TUBGCP2: variants seen among roughly 807,000 people sequenced by gnomAD.
The protein encoded by TUBGCP2 is tubulin gamma complex component 2, also known as gamma-tubulin complex component 2.
In TUBGCP2, 55 loss-of-function variants were observed where a neutral mutation model predicts 92.2. That is an observed-to-expected ratio of 0.60 (90% CI 0.48 to 0.75). TUBGCP2 has a LOEUF of 0.75. Ranked by LOEUF, TUBGCP2 falls within the 30% of genes least tolerant of loss-of-function variation. The pLI, the probability that TUBGCP2 is intolerant of heterozygous loss-of-function variation, is 0.00. For missense variants in TUBGCP2, 1,093 were observed against 1,188.9 expected (o/e 0.92, Z 1.19); for synonymous variants, 533 against 505.2 (o/e 1.06, Z -0.74).
rs571232289 is a variant in TUBGCP2 at position 133,299,511 on chromosome 10, G to A, written c.372C>T (p.Ala124=). The change falls in exon 4 of 18, where the codon GCC becomes GCT. Residue 124 remains alanine (A), a synonymous_variant. Transcript: ENST00000252936. ...CCTGCATGGAGATCTTGGAGGCCGCGGCAGGGACGTTGATGCTGGTGGTAC... is the reference window on the plus strand; with the variant it reads ...CCTGCATGGAGATCTTGGAGGCCGCAGCAGGGACGTTGATGCTGGTGGTAC... The part of the protein sequence containing the change: ...GSSTTSINVP[A]AASKISMQEL... 42 of 1,613,682 alleles carry A rather than the reference G, an allele frequency of 2.6e-5. No individual in the cohort carries two copies. The East Asian group carries it at 3.3e-4, about 13-fold the overall frequency.
At position 133,290,400 on chromosome 10, in the gene TUBGCP2, G is replaced by A. The variant is rs563418932; in HGVS notation, c.1215-431C>T. On this transcript the variant is annotated intron_variant, in intron 8 of 17. Coordinates refer to ENST00000252936, the MANE Select transcript of TUBGCP2 (RefSeq NM_006659.4). ...CCCAGCTACTTGGGAGGTTAAGGCA[G>A]GGGAATCGCTTGAACCTGGGAGGTG... 7 of 159,082 alleles carry A rather than the reference G, an allele frequency of 4.4e-5. 1 individual carries two copies. In the South Asian group the frequency reaches 1.3e-3, roughly 29 times the overall value. The allele number at this position is 159,082 out of a possible 1,614,324, so 9.9% of individuals were successfully genotyped here. A position where few individuals can be genotyped will look rare whatever the true frequency, so the allele number is the denominator to read the frequency against.
chr10:133,310,786 G>A (rs936260553), upstream of TUBGCP2, among the ~76,000 whole-genome samples: 1 of 152,114 alleles, frequency 6.6e-6, no homozygotes, highest in South Asian at 2.1e-4. Flanking sequence ...TGCACTCTGG[G>A]AAATACTTCC....
chr10:133,283,550 C>T (rs919223467), intron 14 of TUBGCP2, among the ~76,000 whole-genome samples: 1 of 152,230 alleles, frequency 6.6e-6, no homozygotes, highest in Non-Finnish European at 1.5e-5. Flanking sequence ...GGCTCAGAGT[C>T]CCCCTAGGAC....
At chr10:133,296,957 G>A (rs1435925848) in intron 5 of TUBGCP2, among the ~76,000 whole-genome samples, 1 of 152,184 alleles carries the variant, frequency 6.6e-6, no homozygotes, top group African/African-American at 2.4e-5. Context: ...CAAAGGCAAG[G>A]GTTGGCCCCT....
At chr10:133,295,955 G>A (rs922042150) in intron 5 of TUBGCP2, 3 of 152,542 alleles carry the variant, frequency 2.0e-5, no homozygotes, top group Non-Finnish European at 2.9e-5. Context: ...CGGACAAAGG[G>A]AGGCAAGGCA....
intron 4 of TUBGCP2, 42 bp downstream of exon 4, chr10:133,299,385 C>G (rs1373186727): frequency 6.6e-7 from 1 of 1,520,868 alleles, no homozygotes; most frequent in South Asian, 1.2e-5. Flanking sequence ...GACACAGGAC[C>G]TGCTGCAGCA....
At chr10:133,283,335 T>C in intron 14 of TUBGCP2, 114 bp from the exon 15 acceptor site, 2 of 1,447,874 alleles carry the variant, frequency 1.4e-6, no homozygotes, top group Non-Finnish European at 1.9e-6. Context: ...CTTCTACCTC[T>C]TAAATGGGCC....
Position 133,278,938 on chromosome 10 carries a change from C to G in TUBGCP2, c.*828G>C, listed in dbSNP as rs1846891689. On this transcript the variant is annotated 3_prime_UTR_variant, in exon 18 of 18. Coordinates refer to ENST00000252936, the MANE Select transcript of TUBGCP2 (RefSeq NM_006659.4). ...AAGGGGCAGCTTGGCCAGAATGTAA[C>G]CAGAGCAGACCAACCTGGCCGGGCA... The G allele has an allele frequency of 6.6e-6, 1 of 152,388 alleles. No homozygotes were observed. Among genetic ancestry groups the G allele is most frequent in the Admixed American group, 6.5e-5 (1 of 15,290 alleles). The allele number at this position is 152,388 out of a possible 1,614,324, so 9.4% of individuals were successfully genotyped here.
chr10:133,288,119 C>CCCCA lies in TUBGCP2; in HGVS notation c.1722+6_1722+9dup. The stretch of plus-strand genomic sequence containing the variant: ...TGCCACAGGGGACAGCCCCCGGCAC[C>CCCCA]CCCACCCACCTTGAGGTCGTCCTTG... On this transcript the variant is annotated intron_variant, in intron 11 of 17. Transcript: ENST00000252936. The CCCCA allele has an allele frequency of 6.2e-7, 1 of 1,605,694 alleles. No homozygotes were observed. Among genetic ancestry groups the CCCCA allele is most frequent in the Non-Finnish European group, 8.5e-7 (1 of 1,174,230 alleles).
intron 2 of TUBGCP2, 186 bp downstream of exon 2, chr10:133,302,606 C>A: frequency 1.5e-6 from 1 of 661,092 alleles, no homozygotes; most frequent in South Asian, 1.9e-5. Context: ...AGTGTTCATC[C>A]TGCACCCTGA....
intron 8 of TUBGCP2, 47 bp from the exon 9 acceptor site, chr10:133,290,016 T>C (rs1230527644): frequency 1.9e-6 from 3 of 1,597,704 alleles, no homozygotes; most frequent in Non-Finnish European, 1.7e-6. Flanking sequence ...CAAGGGCGCC[T>C]GAGGCAGGCG....
In TUBGCP2 at chr10:133,299,446, G is replaced by A; in HGVS notation, c.437C>T (p.Thr146Ile). The change falls in exon 4 of 18, where the codon ACA (threonine) becomes ATA (isoleucine). Residue 146 changes from threonine (T) to isoleucine (I), a missense_variant. Transcript: ENST00000252936. ...ELRKQLGSVA[T>I]GSTLQQSLEL... ...CAGTACCTGCTGCAGCGTGGAGCCT[G>A]TGGCCACGCTGCCAAGCTGCTTCCT... is the stretch of plus-strand genomic sequence containing the variant. 1 of 1,606,962 alleles carries A rather than the reference G, an allele frequency of 6.2e-7. No individual in the cohort carries two copies.
rs748041906 is a variant in TUBGCP2 at position 133,299,473 on chromosome 10, A to G, written c.410T>C (p.Leu137Pro). ...GGCCACGCTGCCAAGCTGCTTCCTC[A>G]GTTCCTCAAGCTCCTGCATGGAGAT... ...SKISMQELEE[L>P]RKQLGSVATG... The change falls in exon 4 of 18, where the codon CTG becomes CCG. Residue 137 changes from leucine (L) to proline (P), a missense_variant. Coordinates refer to ENST00000252936, the MANE Select transcript of TUBGCP2 (RefSeq NM_006659.4). 24 of 1,611,702 alleles carry G rather than the reference A, an allele frequency of 1.5e-5. No individual in the cohort carries two copies. The highest frequency in any genetic ancestry group is 1.7e-6 in the Non-Finnish European group (2 of 1,179,826).
At chr10:133,283,326 T>G (rs1458988877) in intron 14 of TUBGCP2, 105 bp from the exon 15 acceptor site, 1 of 1,499,194 alleles carries the variant, frequency 6.7e-7, no homozygotes, top group African/African-American at 1.4e-5. Flanking sequence ...GTTTACGCAC[T>G]TCTACCTCTT....
chr10:133,284,991 C>G, intron 13 of TUBGCP2, 94 bp downstream of exon 13: 1 of 1,493,362 alleles, frequency 6.7e-7, no homozygotes, highest in South Asian at 1.3e-5. Flanking sequence ...AGAAAGCTGT[C>G]TACCAGGAGG....
At chr10:133,297,802 T>G in intron 5 of TUBGCP2, 150 bp downstream of exon 5, 1 of 1,210,510 alleles carries the variant, frequency 8.3e-7, no homozygotes, top group South Asian at 1.6e-5. Context: ...CCTCACAACC[T>G]GAGGAAAGGC....
chr10:133,310,413 T>C, upstream of TUBGCP2: 1 of 1,219,468 alleles, frequency 8.2e-7, no homozygotes, highest in East Asian at 2.4e-5. Context: ...GGTGTTCACC[T>C]GCAGGTACCT....
chr10:133,283,523 A>C (rs74164137), intron 14 of TUBGCP2, among the ~76,000 whole-genome samples: 8,846 of 151,230 alleles, frequency 0.058, 399 homozygotes, highest in African/African-American at 0.11. Flanking sequence ...TGGGAGAGAC[A>C]ACCTCGGGGC....
chr10:133,290,103 G>C (rs1031746270), intron 8 of TUBGCP2, 134 bp from the exon 9 acceptor site: 92 of 1,258,650 alleles, frequency 7.3e-5, no homozygotes, highest in Non-Finnish European at 9.7e-5. Context: ...CACAAGGGCC[G>C]AGCCTAATCT....
Sources: gnomAD v4.1 joint callset for allele counts (sites outside exome capture counted in the v4.1 genomes callset) on GRCh38, gnomAD v4.1.1 for gene constraint, MANE v1.5 for transcripts, NCBI Gene and HGNC (gene_info 2026-07-23, HGNC 2026-07-21) for gene names.